ACAN: variants seen among roughly 807,000 people sequenced by gnomAD.
ACAN encodes aggrecan core protein.
In ACAN, 47 loss-of-function variants were observed where a neutral mutation model predicts 169.1. The observed-to-expected ratio is 0.28, with a 90% CI of 0.22 to 0.35. The LOEUF (loss-of-function observed/expected upper bound fraction) is 0.35, where lower values mean the gene tolerates loss of function less well. ACAN is among the 10% of genes least tolerant of loss of function. ACAN has a pLI of 1.00. For synonymous variants in ACAN, 1,115 were observed against 1,112.2 expected, an observed-to-expected ratio of 1.00 and a Z score of -0.05; for missense variants, 2,716 against 2,759.9, an observed-to-expected ratio of 0.98 and a Z score of 0.36.
At chr15:88,817,246 A>G (rs1393646668) in intron 1 of ACAN, among the ~76,000 whole-genome samples, 1 of 152,086 alleles carries the variant, frequency 6.6e-6, no homozygotes, top group East Asian at 1.9e-4. Context: ...GGTTCAAGCA[A>G]TTCTTCTGCC....
In ACAN at chr15:88,872,896, C is replaced by T. The variant is rs751606366; in HGVS notation, c.7318C>T (p.Arg2440Cys). 1.4e-5 allele frequency: 23 copies of T among 1,613,434 alleles called. No individual in the cohort carries two copies. Among genetic ancestry groups the T allele is most frequent in the African/African-American group, 2.7e-5 (2 of 74,912 alleles). The change falls in exon 17 of 19, where the codon CGC becomes TGC. Residue 2440 changes from arginine (R) to cysteine (C), a missense_variant. By Grantham distance (180) the Arg-to-Cys change is radical (BLOSUM62 -3). Around this residue, in one of 3 missense-constraint regions of ACAN, gnomAD observed 1,389 missense variants for 1,363.7 expected, o/e 1.02. Coordinates refer to ENST00000560601, the MANE Select transcript of ACAN (RefSeq NM_001369268.1). The surrounding 1 kb of genome is among the most constrained non-coding windows in gnomAD (Gnocchi z 5.4). ...DGHPMQFENW[R>C]PNQPDNFFAA... ...CCACCCACAGCAATTTGAGAACTGGCGCCCCAACCAGCCTGACAACTTTTT... is the reference window on the plus strand; with the variant it reads ...CCACCCACAGCAATTTGAGAACTGGTGCCCCAACCAGCCTGACAACTTTTT...
chr15:88,840,745 G>A (rs188707055), intron 4 of ACAN, among the ~76,000 whole-genome samples: 323 of 150,584 alleles, frequency 2.1e-3, no homozygotes, highest in African/African-American at 7.6e-3. Flanking sequence ...TTGCAGTCTC[G>A]GGGTAGGAAA....
At position 88,838,582 on chromosome 15, in the gene ACAN, G is replaced by C; in HGVS notation, c.71-81G>C. The C allele has an allele frequency of 1.3e-6, 2 of 1,481,724 alleles. No homozygotes were observed. Among genetic ancestry groups the C allele is most frequent in the Non-Finnish European group, 1.8e-6 (2 of 1,097,602 alleles). The allele number at this position is 1,481,724 out of a possible 1,614,324, so 91.8% of individuals were successfully genotyped here. On this transcript the variant is annotated intron_variant, in intron 2 of 18. Transcript: ENST00000560601. This position sits in a 1 kb window ranked among gnomAD's most constrained non-coding sequence, Gnocchi z 5.1. ...TTTCGCTCTCTCAGGAGAGTGCATT[G>C]CTGGAAGGATGGATGGGGAGGCGGG...
chr15:88,839,051 G>C lies in ACAN; in HGVS notation c.454+5G>C. ...CCCTGGAAGTCGTGGTGAAAGGTGAGAGCCTCCCACAGGGACAGACGCTGC... is the reference window on the plus strand; with the variant it reads ...CCCTGGAAGTCGTGGTGAAAGGTGACAGCCTCCCACAGGGACAGACGCTGC... On this transcript the variant is annotated splice_donor_5th_base_variant and intron_variant, in intron 3 of 18. Coordinates refer to ENST00000560601, the MANE Select transcript of ACAN (RefSeq NM_001369268.1). This position sits in a 1 kb window ranked among gnomAD's most constrained non-coding sequence, Gnocchi z 4.5. 1.2e-6 allele frequency: 2 copies of C among 1,600,722 alleles called. No homozygotes were observed. Among genetic ancestry groups the C allele is most frequent in the Non-Finnish European group, 1.7e-6 (2 of 1,179,534 alleles).
intron 2 of ACAN, among the ~76,000 whole-genome samples, chr15:88,836,607 G>T (rs1248517560): frequency 6.6e-6 from 1 of 152,182 alleles, no homozygotes. Flanking sequence ...TTGCCGGAGG[G>T]GCAGGACATA....
chr15:88,824,451 G>T (rs1360353561), intron 1 of ACAN, among the ~76,000 whole-genome samples: 1 of 152,184 alleles, frequency 6.6e-6, no homozygotes, highest in Non-Finnish European at 1.5e-5. Context: ...CCTACTATGT[G>T]CCAAGCACTG....
At position 88,849,456 on chromosome 15, in the gene ACAN, C is replaced by T; in HGVS notation, c.1751C>T (p.Thr584Ile). The part of the protein sequence containing the change: ...DRLEGEVFFA[T>I]RLEQFTFQEA... ...CCCCCAGGGGAGGTGTTCTTCGCCA[C>T]ACGCCTTGAGCAGTTCACCTTCCAG... is the stretch of plus-strand genomic sequence containing the variant. The change falls in exon 10 of 19, where the codon ACA becomes ATA. Residue 584 changes from threonine (T) to isoleucine (I), a missense_variant. Thr to Ile is a moderately conservative substitution (Grantham distance 89). This residue lies in a region of ACAN where 1,283 missense variants were observed against 1,281.5 expected (regional missense o/e 1.00). Transcript: ENST00000560601. This position sits in a 1 kb window ranked among gnomAD's most constrained non-coding sequence, Gnocchi z 5.1. 1 of 1,594,068 alleles carries T rather than the reference C, an allele frequency of 6.3e-7. No homozygotes were observed. The highest frequency in any genetic ancestry group is 1.1e-5 in the South Asian group (1 of 89,378).
chr15:88,825,456 A>G (rs1370632006), intron 1 of ACAN, among the ~76,000 whole-genome samples: 1 of 152,210 alleles, frequency 6.6e-6, no homozygotes, highest in Non-Finnish European at 1.5e-5. Context: ...ACTTCCCCAG[A>G]TTCACCTAGA....
In ACAN at chr15:88,818,148, A is replaced by G. The variant is rs1895989086; in HGVS notation, c.-8+14339A>G. Among the ~76,000 whole-genome samples, 2 of 152,244 alleles carry G rather than the reference A, an allele frequency of 1.3e-5. 1 individual carries two copies. The highest frequency in any genetic ancestry group is 4.1e-4 in the South Asian group (2 of 4,834). ...TCTACCAGAGACAGGAAGGGATAGA[A>G]AAGATGGGATAGAAGTTTTCTCTGC... On this transcript the variant is annotated intron_variant, in intron 1 of 18. Transcript: ENST00000560601.
At chr15:88,826,157 A>G (rs1001695161) in intron 1 of ACAN, among the ~76,000 whole-genome samples, 5 of 152,270 alleles carry the variant, frequency 3.3e-5, no homozygotes, top group Non-Finnish European at 7.4e-5. Context: ...GGGGGGCTCT[A>G]CTGACTACCC....
rs1418584812 is a variant in ACAN, at chr15:88,869,650, C to G, written c.7060+1321C>G. ...TGGTTCCAGACTGGAAAAGTGGGCTCTGCTGGAATGGAGGCAGGACCCTCA... is the reference window on the plus strand; with the variant it reads ...TGGTTCCAGACTGGAAAAGTGGGCTGTGCTGGAATGGAGGCAGGACCCTCA... On this transcript the variant is annotated intron_variant, in intron 14 of 18. Transcript: ENST00000560601. This position sits in a 1 kb window ranked among gnomAD's most constrained non-coding sequence, Gnocchi z 4.2. Among the ~76,000 whole-genome samples, 1 of 152,184 alleles carries G rather than the reference C, an allele frequency of 6.6e-6. No individual in the cohort carries two copies. The highest frequency in any genetic ancestry group is 2.4e-5 in the African/African-American group (1 of 41,428).
rs1464770070 is a variant in ACAN at position 88,839,981 on chromosome 15, T to G, written c.455-31T>G. The G allele has an allele frequency of 6.3e-7, 1 of 1,577,698 alleles. No homozygotes were observed. The highest frequency in any genetic ancestry group is 1.8e-5 in the Admixed American group (1 of 55,098). ...ATCAGAGACTGTGCCTGACCAGCTC[T>G]TCCGCTTGTGGGCGTGTATGTGTCT... On this transcript the variant is annotated intron_variant, in intron 3 of 18. Coordinates refer to ENST00000560601, the MANE Select transcript of ACAN (RefSeq NM_001369268.1). The surrounding 1 kb of genome is among the most constrained non-coding windows in gnomAD (Gnocchi z 4.5).
chr15:88,811,321 A>G (rs1895815073), intron 1 of ACAN, among the ~76,000 whole-genome samples: 2 of 152,180 alleles, frequency 1.3e-5, no homozygotes, highest in Non-Finnish European at 2.9e-5. Flanking sequence ...ACTTGAGCCT[A>G]AAAAGATGCT....
intron 2 of ACAN, among the ~76,000 whole-genome samples, chr15:88,837,681 C>G (rs746642735): frequency 6.6e-6 from 1 of 152,142 alleles, no homozygotes; most frequent in Admixed American, 6.5e-5. Flanking sequence ...GCCCAGCACT[C>G]GGAGGAAGAT....
intron 1 of ACAN, among the ~76,000 whole-genome samples, chr15:88,806,989 G>A (rs976200417): frequency 2.6e-5 from 4 of 152,008 alleles, no homozygotes; most frequent in African/African-American, 9.7e-5. Flanking sequence ...TAATATAAAT[G>A]TATATATGCA....
Position 88,874,718 on chromosome 15 carries a change from G to T in ACAN, c.*237G>T. The T allele has an allele frequency of 1.7e-6, 1 of 602,054 alleles. No individual in the cohort carries two copies. The highest frequency in any genetic ancestry group is 3.1e-6 in the Non-Finnish European group (1 of 327,418). The allele number at this position is 602,054 out of a possible 1,614,324, so 37.3% of individuals were successfully genotyped here. The stretch of plus-strand genomic sequence containing the variant: ...GCAAAGCAAACTTATTATAACCCTT[G>T]GACTGAGTTTAGAGACATTTCTTCA... On this transcript the variant is annotated 3_prime_UTR_variant, in exon 19 of 19. Coordinates refer to ENST00000560601, the MANE Select transcript of ACAN (RefSeq NM_001369268.1). The surrounding 1 kb of genome is among the most constrained non-coding windows in gnomAD (Gnocchi z 7.3).
rs1567193238 is a variant in ACAN at position 88,869,191 on chromosome 15, G to A, written c.7060+862G>A. On this transcript the variant is annotated intron_variant, in intron 14 of 18. Coordinates refer to ENST00000560601, the MANE Select transcript of ACAN (RefSeq NM_001369268.1). The surrounding 1 kb of genome is among the most constrained non-coding windows in gnomAD (Gnocchi z 4.2). ...TCGGGGATTTCCCAGCTCAGAAAAGGGGAGATGAGACCTTTGGATACTTGT... is the reference window on the plus strand; with the variant it reads ...TCGGGGATTTCCCAGCTCAGAAAAGAGGAGATGAGACCTTTGGATACTTGT... Among the ~76,000 whole-genome samples, 1 of 152,186 alleles carries A rather than the reference G, an allele frequency of 6.6e-6. No homozygotes were observed. The highest frequency in any genetic ancestry group is 1.5e-5 in the Non-Finnish European group (1 of 68,046).
chr15:88,858,145 G>A lies in ACAN; in HGVS notation c.5560G>A (p.Glu1854Lys), dbSNP rs780061518. 3.7e-6 allele frequency: 6 copies of A among 1,613,920 alleles called. No homozygotes were observed. In the Admixed American group the frequency reaches 1.0e-4, roughly 27 times the overall value. ...FKEEEGLGSV[E>K]LSGLPSGEAD... is the part of the protein sequence containing the mutation. ...AGAAGAAGAAGGCTTAGGGTCTGTG[G>A]AACTCAGTGGCCTCCCTTCCGGAGA... The change falls in exon 12 of 19, where the codon GAA becomes AAA. Residue 1854 changes from glutamate to lysine, a missense_variant. Physicochemically the swap from Glu to Lys is moderately conservative, Grantham distance 56. Around this residue, in one of 3 missense-constraint regions of ACAN, gnomAD observed 1,389 missense variants for 1,363.7 expected, o/e 1.02. Transcript: ENST00000560601. The surrounding 1 kb of genome is among the most constrained non-coding windows in gnomAD (Gnocchi z 4.0).
rs758772503 is a variant in ACAN, at chr15:88,841,753, A to C, written c.643A>C (p.Thr215Pro). The C allele has an allele frequency of 6.2e-7, 1 of 1,611,290 alleles. No homozygotes were observed. Residue 215 changes from threonine (T) to proline (P), a missense_variant, in exon 5 of 19, where the codon ACT becomes CCT. This residue lies in a region of ACAN where 1,283 missense variants were observed against 1,281.5 expected (regional missense o/e 1.00). Coordinates refer to ENST00000560601, the MANE Select transcript of ACAN (RefSeq NM_001369268.1). ...ADQTVRYPIH[T>P]PREGCYGDKD... ...GGTTCCTGGCAGATACCCCATCCAC[A>C]CTCCCCGGGAAGGCTGCTATGGAGA...
Sources: allele counts gnomAD v4.1 joint callset (sites outside exome capture counted in the v4.1 genomes callset), GRCh38; gene constraint gnomAD v4.1.1; regional missense constraint gnomAD v4.1.1; non-coding constraint Gnocchi (gnomAD v3.1); transcripts MANE v1.5; gene names NCBI Gene and HGNC (gene_info 2026-07-23, HGNC 2026-07-21).